Variants in FHOD3 observed in about 807,000 individuals in gnomAD.
The protein encoded by FHOD3 is FH1/FH2 domain-containing protein 3.
FHOD3 carries 90 observed loss-of-function variants against 173.0 expected under a neutral mutation model. The observed-to-expected ratio is 0.52, with a 90% confidence interval of 0.44 to 0.62. The LOEUF (loss-of-function observed/expected upper bound fraction) is 0.62. Among genes scored for constraint, FHOD3 ranks in the 20% least tolerant of loss-of-function variants. FHOD3 has a pLI of 0.00. For missense variants in FHOD3, 1,945 were observed against 2,034.7 expected (o/e 0.96, Z 0.85); for synonymous variants, 828 against 823.0 (o/e 1.01, Z -0.10).
At chr18:36,647,264 C>T (rs913343450) in intron 10 of FHOD3, among the ~76,000 whole-genome samples, 7 of 151,458 alleles carry the variant, frequency 4.6e-5, no homozygotes, top group Admixed American at 3.9e-4. Flanking sequence ...TCTTCAAATA[C>T]AAAAAAAAAT....
At chr18:36,671,883 T>C (rs1028965104) in intron 14 of FHOD3, among the ~76,000 whole-genome samples, 1 of 152,056 alleles carries the variant, frequency 6.6e-6, no homozygotes, top group Non-Finnish European at 1.5e-5. Context: ...CACAAAACAG[T>C]GAAGGAACGA....
chr18:36,360,839 T>G (rs1002567591), intron 2 of FHOD3, among the ~76,000 whole-genome samples: 1 of 152,220 alleles, frequency 6.6e-6, no homozygotes, highest in African/African-American at 2.4e-5. Context: ...TTTCTTCTTC[T>G]TATGATATAA....
intron 19 of FHOD3, among the ~76,000 whole-genome samples, chr18:36,726,653 C>G (rs959839061): frequency 7.2e-5 from 11 of 152,140 alleles, no homozygotes; most frequent in Non-Finnish European, 1.2e-4. Flanking sequence ...AAGGAATGCA[C>G]TAAGGAAAAG....
chr18:36,736,428 A>G lies in FHOD3; in HGVS notation c.3577-4228A>G, dbSNP rs1053534209. 9.8e-5 allele frequency among the ~76,000 whole-genome samples: 15 copies of G among 152,312 alleles called. No homozygotes were observed. In the South Asian group the frequency reaches 2.1e-3, roughly 21 times the overall value. On this transcript the variant is annotated intron_variant, in intron 20 of 28. Transcript: ENST00000590592. ...ACCAGAGCTCTTGTTTAGCGTCCAG[A>G]AAAAATCAGGTCACATAAACGAATT...
intron 18 of FHOD3, among the ~76,000 whole-genome samples, chr18:36,716,399 T>C (rs1346144552): frequency 6.6e-6 from 1 of 151,992 alleles, no homozygotes; most frequent in Non-Finnish European, 1.5e-5. Flanking sequence ...GACTCTGAGG[T>C]TTTTGGAATT....
rs574704050 is a variant in FHOD3 at position 36,765,590 on chromosome 18, CAT to C, written c.4625-3673_4625-3672del. Reference sequence around the variant, plus strand: ...TGTTAAAATAAAAACTAAAAGGAAACATAGACAAGTGGGTAAAAAGGTAGATA... The same window carrying C: ...TGTTAAAATAAAAACTAAAAGGAAACAGACAAGTGGGTAAAAAGGTAGATA... On this transcript the variant is annotated intron_variant, in intron 27 of 28. Transcript: ENST00000590592. 4.6e-5 allele frequency among the ~76,000 whole-genome samples: 7 copies of C among 152,192 alleles called. No homozygotes were observed. The East Asian group carries it at 1.4e-3, about 29-fold the overall frequency.
chr18:36,319,728 T>C, intron 1 of FHOD3, among the ~76,000 whole-genome samples: 1 of 152,170 alleles, frequency 6.6e-6, no homozygotes, highest in East Asian at 1.9e-4. Context: ...ATTGACCACA[T>C]AATTGGAAGT....
intron 9 of FHOD3, among the ~76,000 whole-genome samples, chr18:36,612,510 A>G (rs1261056067): frequency 1.3e-5 from 2 of 152,222 alleles, no homozygotes; most frequent in Admixed American, 6.5e-5. Context: ...ATGCAAAACG[A>G]AAATGAAGGA....
chr18:36,367,201 G>T (rs1466657360), intron 2 of FHOD3, among the ~76,000 whole-genome samples: 1 of 152,222 alleles, frequency 6.6e-6, no homozygotes, highest in African/African-American at 2.4e-5. Flanking sequence ...GTTTCAGAAA[G>T]TTCTTTTAGC....
chr18:36,522,236 A>G (rs2056311794), intron 5 of FHOD3, among the ~76,000 whole-genome samples: 3 of 152,230 alleles, frequency 2.0e-5, no homozygotes, highest in South Asian at 2.1e-4. Context: ...CAGAAGGAAT[A>G]GAAGAATGAT....
chr18:36,561,859 A>G (rs2058092045), intron 5 of FHOD3, among the ~76,000 whole-genome samples: 1 of 152,192 alleles, frequency 6.6e-6, no homozygotes, highest in South Asian at 2.1e-4. Flanking sequence ...GCCATAAAAT[A>G]CACAAAACCA....
intron 6 of FHOD3, among the ~76,000 whole-genome samples, chr18:36,591,337 A>G (rs2059209468): frequency 6.6e-6 from 1 of 152,140 alleles, no homozygotes. Flanking sequence ...AGCCCAGGGC[A>G]TGACTTGCCC....
At chr18:36,715,296 G>T (rs533380599) in intron 18 of FHOD3, among the ~76,000 whole-genome samples, 2 of 152,254 alleles carry the variant, frequency 1.3e-5, no homozygotes, top group South Asian at 4.2e-4. Flanking sequence ...TTTTTAAGGC[G>T]CTTCCCTCTT....
At chr18:36,611,388 C>A (rs75922743) in intron 8 of FHOD3, among the ~76,000 whole-genome samples, 1 of 152,146 alleles carries the variant, frequency 6.6e-6, no homozygotes, top group Non-Finnish European at 1.5e-5. Context: ...AGGCTGCAGC[C>A]GAGGTGTCGC....
At chr18:36,448,955 C>T (rs1324173925) in intron 3 of FHOD3, among the ~76,000 whole-genome samples, 1 of 151,660 alleles carries the variant, frequency 6.6e-6, no homozygotes, top group Non-Finnish European at 1.5e-5. Context: ...CCTTTCCTCC[C>T]CCTCCCTACT....
chr18:36,432,673 T>C (rs1214614712), intron 3 of FHOD3, among the ~76,000 whole-genome samples: 1 of 152,208 alleles, frequency 6.6e-6, no homozygotes, highest in African/African-American at 2.4e-5. Context: ...AAGACTGTGC[T>C]TGAGCTCATG....
intron 6 of FHOD3, 107 bp from the exon 7 acceptor site, chr18:36,594,680 G>C (rs188152955): frequency 1.0e-5 from 7 of 669,730 alleles, no homozygotes; most frequent in East Asian, 2.7e-5. Context: ...TAATTGCTGA[G>C]AGCGTCTCAT....
chr18:36,298,560 C>G (rs750952211), intron 1 of FHOD3, among the ~76,000 whole-genome samples: 59 of 152,274 alleles, frequency 3.9e-4, no homozygotes, highest in Non-Finnish European at 6.0e-4. Context: ...CCGGGGACGC[C>G]GGCCGCACAC....
chr18:36,702,840 G>A (rs766906328), intron 17 of FHOD3, among the ~76,000 whole-genome samples: 77 of 151,336 alleles, frequency 5.1e-4, no homozygotes, highest in Non-Finnish European at 8.0e-4. Context: ...GCACGTGTGC[G>A]TACACGCTTA....
Sources: allele counts gnomAD v4.1 joint callset (sites outside exome capture counted in the v4.1 genomes callset), GRCh38; gene constraint gnomAD v4.1.1; transcripts MANE v1.5; gene names NCBI Gene and HGNC (gene_info 2026-07-23, HGNC 2026-07-21).